The following TEC variants were observed in gnomAD, a reference collection of about 807,000 sequenced individuals.
TEC encodes the protein tyrosine-protein kinase Tec.
Under a neutral mutation model 93.0 loss-of-function variants are expected in TEC, and 72 were observed. The observed-to-expected ratio is 0.77, with a 90% CI of 0.64 to 0.94. The LOEUF is 0.94. Ranked by LOEUF, TEC falls within the 40% of genes least tolerant of loss-of-function variation. The pLI, the probability that TEC is intolerant of heterozygous loss-of-function variation, is 0.00. For missense variants in TEC, 630 were observed against 757.9 expected, an observed-to-expected ratio of 0.83 and a Z score of 1.98; for synonymous variants, 249 against 247.7, an observed-to-expected ratio of 1.01 and a Z score of -0.05.
At chr4:48,191,944 C>T (rs994549993) in intron 2 of TEC, among the ~76,000 whole-genome samples, 3 of 152,126 alleles carry the variant, frequency 2.0e-5, no homozygotes, top group African/African-American at 7.2e-5. Flanking sequence ...AAAAGATATG[C>T]AGGTGAAGTC....
chr4:48,236,742 A>G (rs1250899129), intron 1 of TEC, among the ~76,000 whole-genome samples: 3 of 152,216 alleles, frequency 2.0e-5, no homozygotes, highest in African/African-American at 7.2e-5. Flanking sequence ...TCTGAGGTAG[A>G]CAACAGAAAC....
intron 2 of TEC, among the ~76,000 whole-genome samples, chr4:48,204,287 A>G (rs530915177): frequency 6.6e-6 from 1 of 152,308 alleles, no homozygotes; most frequent in East Asian, 1.9e-4. Context: ...TGCTAGGCAG[A>G]GGGGCCTAAG....
intron 1 of TEC, among the ~76,000 whole-genome samples, chr4:48,236,070 A>G (rs545576088): frequency 7.0e-4 from 106 of 152,270 alleles, no homozygotes; most frequent in African/African-American, 2.5e-3. Context: ...GTGCAATTGG[A>G]TTCAATCTCC....
chr4:48,162,539 C>T (rs1309698231), intron 8 of TEC, among the ~76,000 whole-genome samples: 1 of 152,188 alleles, frequency 6.6e-6, no homozygotes, highest in Non-Finnish European at 1.5e-5. Flanking sequence ...CTTTTAGCAC[C>T]TTCCCTAATT....
At chr4:48,161,881 TC>T (rs912994829) in intron 8 of TEC, among the ~76,000 whole-genome samples, 1 of 152,084 alleles carries the variant, frequency 6.6e-6, no homozygotes, top group Non-Finnish European at 1.5e-5. Flanking sequence ...CCTACATCCT[TC>T]TCCCGTACTG....
intron 5 of TEC, among the ~76,000 whole-genome samples, chr4:48,170,032 A>G (rs1721038473): frequency 6.6e-6 from 1 of 152,172 alleles, no homozygotes; most frequent in Non-Finnish European, 1.5e-5. Flanking sequence ...ACAAGATTCA[A>G]TATTGTGATA....
intron 1 of TEC, among the ~76,000 whole-genome samples, chr4:48,245,145 T>G (rs1466443616): frequency 6.6e-6 from 1 of 151,858 alleles, no homozygotes; most frequent in African/African-American, 2.4e-5. Context: ...ATACAAAAAT[T>G]TGCTGGGTGT....
intron 2 of TEC, among the ~76,000 whole-genome samples, chr4:48,199,639 G>A (rs1722432023): frequency 6.6e-6 from 1 of 151,434 alleles, no homozygotes; most frequent in African/African-American, 2.4e-5. Context: ...TCTAATTTTT[G>A]TATTTTATTA....
intron 2 of TEC, among the ~76,000 whole-genome samples, chr4:48,217,287 A>G (rs1452376858): frequency 6.6e-6 from 1 of 152,166 alleles, no homozygotes; most frequent in African/African-American, 2.4e-5. Context: ...TATTTCTAGT[A>G]GAGACGGGGT....
chr4:48,255,783 AAAGT>A (rs1285307234), intron 1 of TEC, among the ~76,000 whole-genome samples: 1 of 152,238 alleles, frequency 6.6e-6, no homozygotes, highest in Non-Finnish European at 1.5e-5. Flanking sequence ...TGCTTGACAC[AAAGT>A]AAGTGATCAA....
At chr4:48,240,224 T>C (rs1195752004) in intron 1 of TEC, among the ~76,000 whole-genome samples, 1 of 152,160 alleles carries the variant, frequency 6.6e-6, no homozygotes, top group Non-Finnish European at 1.5e-5. Flanking sequence ...TTTGAAATTT[T>C]CCACAATAAA....
chr4:48,168,851 A>G (rs1350369012), intron 5 of TEC, among the ~76,000 whole-genome samples: 1 of 152,250 alleles, frequency 6.6e-6, no homozygotes, highest in Non-Finnish European at 1.5e-5. Context: ...AATAAATGCC[A>G]CAGGGATTGA....
intron 2 of TEC, among the ~76,000 whole-genome samples, chr4:48,178,483 C>T (rs535093805): frequency 6.6e-6 from 1 of 152,282 alleles, no homozygotes; most frequent in African/African-American, 2.4e-5. Flanking sequence ...CTGTGAGGTA[C>T]ACATTATTCT....
At chr4:48,251,090 A>G (rs1248816248) in intron 1 of TEC, among the ~76,000 whole-genome samples, 1 of 152,196 alleles carries the variant, frequency 6.6e-6, no homozygotes, top group Non-Finnish European at 1.5e-5. Flanking sequence ...AGTCTATGTC[A>G]TCAGCCCTGC....
At chr4:48,232,564 T>C (rs1723677788) in intron 1 of TEC, among the ~76,000 whole-genome samples, 1 of 152,144 alleles carries the variant, frequency 6.6e-6, no homozygotes, top group African/African-American at 2.4e-5. Flanking sequence ...CATTGGCCAA[T>C]GGGAAGTCCT....
At chr4:48,175,647 C>G (rs1451378298) in intron 3 of TEC, among the ~76,000 whole-genome samples, 1 of 152,146 alleles carries the variant, frequency 6.6e-6, no homozygotes, top group Non-Finnish European at 1.5e-5. Flanking sequence ...AGCTATTTAA[C>G]AGGTGAGCAC....
chr4:48,253,130 T>C (rs1387293179), intron 1 of TEC, among the ~76,000 whole-genome samples: 1 of 152,208 alleles, frequency 6.6e-6, no homozygotes, highest in Non-Finnish European at 1.5e-5. Flanking sequence ...GGGAAACATC[T>C]GAGGCTTACA....
intron 8 of TEC, among the ~76,000 whole-genome samples, chr4:48,158,662 G>A (rs921671993): frequency 2.0e-5 from 3 of 152,118 alleles, no homozygotes; most frequent in African/African-American, 4.8e-5. Context: ...AGTAAGCAAA[G>A]GTGGTTTCAT....
chr4:48,152,434 T>C (rs1280439892), intron 9 of TEC, among the ~76,000 whole-genome samples: 3 of 146,552 alleles, frequency 2.0e-5, no homozygotes, highest in Admixed American at 1.4e-4. Context: ...AGAGATACTA[T>C]CATAAATAAA....
Sources: allele counts gnomAD v4.1 joint callset (sites outside exome capture counted in the v4.1 genomes callset), GRCh38; gene constraint gnomAD v4.1.1; transcripts MANE v1.5; gene names NCBI Gene and HGNC (gene_info 2026-07-23, HGNC 2026-07-21).